Variants in ZNF578 observed in about 807,000 individuals in gnomAD.
ZNF578 encodes Putative chemokine-related protein B42.
Under a neutral mutation model 8.3 loss-of-function variants are expected in ZNF578, and 8 were observed. The ratio of observed to expected loss-of-function variants is 0.96; its 90% CI spans 0.56 to 1.74. The LOEUF (loss-of-function observed/expected upper bound fraction) is 1.74, where lower values mean the gene tolerates loss of function less well. Among genes scored for constraint, ZNF578 ranks in the 40% most tolerant of loss-of-function variants. The probability of loss-of-function intolerance (pLI) is 0.00; values close to 1 mark genes in which losing one functional copy is unlikely to be tolerated. For missense variants in ZNF578, 726 were observed against 707.5 expected, an observed-to-expected ratio of 1.03 and a Z score of -0.30; for synonymous variants, 206 against 232.2, an observed-to-expected ratio of 0.89 and a Z score of 1.03.
intron 3 of ZNF578, 111 bp downstream of exon 3, chr19:52,491,536 T>TTA (rs1185712873): frequency 2.6e-5 from 4 of 152,266 alleles, no homozygotes; most frequent in Non-Finnish European, 2.9e-5. Context: ...CTTAGGACAT[T>TTA]TATTTAGAAA....
At chr19:52,470,403 T>G (rs2059288359) in intron 2 of ZNF578, among the ~76,000 whole-genome samples, 1 of 152,190 alleles carries the variant, frequency 6.6e-6, no homozygotes, top group Admixed American at 6.6e-5. Context: ...ATTTGGAGAT[T>G]ATGATTTAAG....
intron 3 of ZNF578, among the ~76,000 whole-genome samples, chr19:52,492,442 G>A (rs1399035107): frequency 2.0e-5 from 3 of 152,204 alleles, no homozygotes; most frequent in Non-Finnish European, 1.5e-5. Context: ...TGAGCACAGG[G>A]TGGACTCTCC....
At chr19:52,465,367 A>G (rs1394341998) in intron 2 of ZNF578, among the ~76,000 whole-genome samples, 1 of 152,124 alleles carries the variant, frequency 6.6e-6, no homozygotes, top group Non-Finnish European at 1.5e-5. Context: ...GAGTAGGTTT[A>G]GGGAAACTGG....
In ZNF578 at chr19:52,481,552, GA is replaced by G. The variant is rs1401196634; in HGVS notation, c.-121-9771del. On this transcript the variant is annotated intron_variant, in intron 2 of 5. Coordinates refer to ENST00000421239, the MANE Select transcript of ZNF578 (RefSeq NM_001099694.2). ...AGAATTTTAAACTTCCTATTTATAA[GA>G]CATGTACAATCTATAAATCTTGGCA... Among the ~76,000 whole-genome samples the G allele has an allele frequency of 2.6e-5, 4 of 152,034 alleles. No homozygotes were observed. The East Asian group carries it at 5.8e-4, about 22-fold the overall frequency.
chr19:52,512,182 A>G lies in ZNF578; in HGVS notation c.*28A>G. 6.2e-7 allele frequency: 1 copy of G among 1,613,718 alleles called. No individual in the cohort carries two copies. The highest frequency in any genetic ancestry group is 8.5e-7 in the Non-Finnish European group (1 of 1,179,836). On this transcript the variant is annotated 3_prime_UTR_variant, in exon 6 of 6. Coordinates refer to ENST00000421239, the MANE Select transcript of ZNF578 (RefSeq NM_001099694.2). ...TTCATACTGGAGAGAAACCTTACAAATGTGAAGCATGTGACAAAGTTTTCA... is the reference window on the plus strand; with the variant it reads ...TTCATACTGGAGAGAAACCTTACAAGTGTGAAGCATGTGACAAAGTTTTCA...
intron 2 of ZNF578, chr19:52,475,353 CTTTT>C (rs367763536): frequency 1.2e-4 from 18 of 144,710 alleles, no homozygotes; most frequent in Non-Finnish European, 2.3e-4. Flanking sequence ...TTCTTTCTTT[CTTTT>C]TTTTTTTTTT....
intron 2 of ZNF578, among the ~76,000 whole-genome samples, chr19:52,469,225 A>G (rs1194282813): frequency 4.3e-5 from 6 of 138,010 alleles, no homozygotes; most frequent in Admixed American, 3.8e-4. Context: ...CAGTGGTGCA[A>G]TCTTGGCTCA....
intron 2 of ZNF578, among the ~76,000 whole-genome samples, chr19:52,480,310 C>T (rs2059321732): frequency 6.6e-6 from 1 of 152,116 alleles, no homozygotes; most frequent in African/African-American, 2.4e-5. Context: ...TCTCTTCTTT[C>T]TGGGTAATTG....
intron 2 of ZNF578, among the ~76,000 whole-genome samples, chr19:52,476,629 C>G (rs1442355281): frequency 6.6e-6 from 1 of 152,148 alleles, no homozygotes; most frequent in Non-Finnish European, 1.5e-5. Flanking sequence ...TATCCCATGC[C>G]GTAAGTCTCA....
chr19:52,474,509 C>T (rs2059302022), intron 2 of ZNF578: 2 of 302,274 alleles, frequency 6.6e-6, no homozygotes, highest in South Asian at 6.8e-5. Flanking sequence ...CAATGTTCTG[C>T]AAGGTGTGAA....
At chr19:52,455,855 C>T (rs960190631) in intron 1 of ZNF578, 1 of 152,208 alleles carries the variant, frequency 6.6e-6, no homozygotes, top group Admixed American at 6.5e-5. Flanking sequence ...GAGGAACTAG[C>T]ATTTCCAAAA....
Position 52,510,997 on chromosome 19 carries a change from A to G in ZNF578, c.616A>G (p.Asn206Asp). The G allele has an allele frequency of 6.2e-7, 1 of 1,614,160 alleles. No individual in the cohort carries two copies. The highest frequency in any genetic ancestry group is 8.5e-7 in the Non-Finnish European group (1 of 1,180,028). The change falls in exon 6 of 6, where the codon AAT (asparagine) becomes GAT (aspartate). Residue 206 changes from asparagine (N) to aspartate (D), a missense_variant. Transcript: ENST00000421239. ...TTGTAGGCCTGAAACACATACTCCT[A>G]ATAACTATGGGAATAATTTTTTCCA... Reference protein sequence around the residue: ...ISCRPETHTPNNYGNNFFHSS... With the variant: ...ISCRPETHTPDNYGNNFFHSS...
At chr19:52,508,795 CAA>C (rs374726428) in intron 5 of ZNF578, among the ~76,000 whole-genome samples, 19 of 100,780 alleles carry the variant, frequency 1.9e-4, no homozygotes, top group Admixed American at 3.3e-4. Flanking sequence ...AACTCTGTCT[CAA>C]AAAAAAAAAA....
intron 5 of ZNF578, among the ~76,000 whole-genome samples, chr19:52,509,559 G>A (rs142000390): frequency 1.5e-3 from 234 of 152,288 alleles, no homozygotes; most frequent in Non-Finnish European, 3.0e-3. Context: ...GAGGCCAAAG[G>A]GGGTGGAGAC....
rs2122742241 is a variant in ZNF578, at chr19:52,453,558, C to G, written c.-262C>G. 6.5e-6 allele frequency: 1 copy of G among 152,936 alleles called. No homozygotes were observed. The highest frequency in any genetic ancestry group is 1.5e-5 in the Non-Finnish European group (1 of 68,318). The allele number at this position is 152,936 out of a possible 1,614,324, so 9.5% of individuals were successfully genotyped here. A position where few individuals can be genotyped will look rare whatever the true frequency, so the allele number is the denominator to read the frequency against. On this transcript the variant is annotated 5_prime_UTR_variant, in exon 1 of 6. Transcript: ENST00000421239. ...GGGCGTGAACTCGCAAGCGCAGTTTCCTGAAGACCCGGAAGCCGATCGCGT... is the reference window on the plus strand; with the variant it reads ...GGGCGTGAACTCGCAAGCGCAGTTTGCTGAAGACCCGGAAGCCGATCGCGT...
At chr19:52,493,674 A>G (rs757602467) in intron 3 of ZNF578, among the ~76,000 whole-genome samples, 1 of 151,992 alleles carries the variant, frequency 6.6e-6, no homozygotes, top group Admixed American at 6.6e-5. Flanking sequence ...GACGATCGAA[A>G]GATTGGGGGG....
chr19:52,510,775 A>C lies in ZNF578; in HGVS notation c.394A>C (p.Ile132Leu). 6.2e-7 allele frequency: 1 copy of C among 1,613,082 alleles called. No homozygotes were observed. The highest frequency in any genetic ancestry group is 8.5e-7 in the Non-Finnish European group (1 of 1,179,324). The change falls in exon 6 of 6, where the codon ATC (isoleucine) becomes CTC (leucine). Residue 132 changes from isoleucine (I) to leucine (L), a missense_variant. Transcript: ENST00000421239. Reference protein sequence around the residue: ...RNGHEASMPKIKELMGSTDRH... With the variant: ...RNGHEASMPKLKELMGSTDRH... ...TGGCCATGAAGCATCCATGCCAAAA[A>C]TCAAAGAGTTGATGGGTAGCACAGA...
chr19:52,455,906 C>T (rs1599878230), intron 1 of ZNF578: 3 of 152,308 alleles, frequency 2.0e-5, no homozygotes, highest in Middle Eastern at 3.4e-3. Context: ...AAGGCCTCCA[C>T]CCTATCTGAT....
intron 3 of ZNF578, among the ~76,000 whole-genome samples, chr19:52,492,492 G>A (rs1319193393): frequency 6.6e-6 from 1 of 152,192 alleles, no homozygotes; most frequent in Non-Finnish European, 1.5e-5. Flanking sequence ...GAGGATTTCT[G>A]TTCTGTTCTG....
Sources: gnomAD v4.1 joint callset for allele counts (sites outside exome capture counted in the v4.1 genomes callset) on GRCh38, gnomAD v4.1.1 for gene constraint, MANE v1.5 for transcripts, NCBI Gene and HGNC (gene_info 2026-07-23, HGNC 2026-07-21) for gene names.